Variants in WDR62 observed in about 807,000 individuals in gnomAD.
WDR62 encodes the protein WD repeat-containing protein 62.
Under a neutral mutation model 160.6 loss-of-function variants are expected in WDR62, and 112 were observed. That is an observed-to-expected ratio of 0.70 (90% CI 0.60 to 0.82). WDR62 has a LOEUF of 0.82. Ranked by LOEUF, WDR62 falls within the 40% of genes least tolerant of loss-of-function variation. The pLI is 0.00. For missense variants in WDR62, 1,819 were observed against 1,983.8 expected, an observed-to-expected ratio of 0.92 and a Z score of 1.58; for synonymous variants, 792 against 815.1, an observed-to-expected ratio of 0.97 and a Z score of 0.48.
rs766634753 is a variant in WDR62, at chr19:36,067,912, C to G, written c.784C>G (p.Arg262Gly). 1 of 1,614,172 alleles carries G rather than the reference C, an allele frequency of 6.2e-7. No individual in the cohort carries two copies. The highest frequency in any genetic ancestry group is 1.3e-5 in the African/African-American group (1 of 75,040). ...NNIFCGVACGRGRMAGSTFCV... is the reference protein window; with the variant it reads ...NNIFCGVACGGGRMAGSTFCV... ...CATCTTCTGTGGTGTGGCCTGCGGT[C>G]GGGGCCGGATGGCGGGCAGTACCTT... The change falls in exon 7 of 32, where the codon CGG (arginine) becomes GGG (glycine). Residue 262 changes from arginine (R) to glycine (G), a missense_variant. Arg to Gly is a moderately radical substitution (Grantham distance 125, BLOSUM62 -2). Around this residue, in one of 3 missense-constraint regions of WDR62, gnomAD observed 934 missense variants for 1,157.2 expected, o/e 0.81. Coordinates refer to ENST00000401500, the MANE Select transcript of WDR62 (RefSeq NM_001083961.2).
At chr19:36,069,006 C>A (rs190643507) in intron 7 of WDR62, among the ~76,000 whole-genome samples, 1 of 151,316 alleles carries the variant, frequency 6.6e-6, no homozygotes, top group Non-Finnish European at 1.5e-5. Context: ...CCCTCCCTGA[C>A]GGGCCGGCTG....
At position 36,066,320 on chromosome 19, in the gene WDR62, C is replaced by T. The variant is rs1468620913; in HGVS notation, c.454C>T (p.Leu152=). 2 of 1,614,216 alleles carry T rather than the reference C, an allele frequency of 1.2e-6. No homozygotes were observed. The highest frequency in any genetic ancestry group is 3.3e-5 in the Admixed American group (2 of 60,030). ...GGAGAAGAATCAGGTGGCGGAGATG[C>T]TAGGCCACAAGTATGGTGTGGCGTG... ...VEEKNQVAEM[L]GHKYGVACVA... Residue 152 remains leucine, a synonymous_variant, in exon 5 of 32, where the codon CTA becomes TTA. Transcript: ENST00000401500.
Position 36,066,041 on chromosome 19 carries a change from G to A in WDR62, c.390+26G>A, listed in dbSNP as rs765876924. 85 of 1,613,158 alleles carry A rather than the reference G, an allele frequency of 5.3e-5. No homozygotes were observed. The Middle Eastern group carries it at 4.9e-3, about 94-fold the overall frequency. On this transcript the variant is annotated intron_variant, in intron 4 of 31. Transcript: ENST00000401500. ...GTGAGTCGTGATCGTGACTGAGTGG[G>A]AGTCGGGGGCTGGGGGGTCTTGGAA...
Position 36,081,569 on chromosome 19 carries a change from A to G in WDR62, c.1370A>G (p.Asn457Ser), listed in dbSNP as rs1037780257. The G allele has an allele frequency of 1.2e-6, 2 of 1,614,234 alleles. No homozygotes were observed. Among genetic ancestry groups the G allele is most frequent in the African/African-American group, 2.7e-5 (2 of 75,070 alleles). ...DSHWQKNIFSNTLLKVVYVEN... is the reference protein window; with the variant it reads ...DSHWQKNIFSSTLLKVVYVEN... ...CACTGGCAGAAAAACATCTTCAGCA[A>G]TGTGAGTGGCTTCCTTTGTGAACCA... The change falls in exon 10 of 32, where the codon AAT (asparagine) becomes AGT (serine). Residue 457 changes from asparagine to serine, a missense_variant and splice_region_variant. Physicochemically the swap from Asn to Ser is conservative, Grantham distance 46. This residue lies in a region of WDR62 where 934 missense variants were observed against 1,157.2 expected (regional missense o/e 0.81). Transcript: ENST00000401500.
the WDR62 span, among the ~76,000 whole-genome samples, chr19:36,110,161 C>T: frequency 6.6e-6 from 1 of 151,546 alleles, no homozygotes; most frequent in Admixed American, 6.6e-5. Context: ...TCCTGGGAGC[C>T]CCTGGCTGTG....
At position 36,105,050 on chromosome 19, in the gene WDR62, G is replaced by A. The variant is rs375767546; in HGVS notation, c.*22G>A. On this transcript the variant is annotated 3_prime_UTR_variant, in exon 32 of 32. Coordinates refer to ENST00000401500, the MANE Select transcript of WDR62 (RefSeq NM_001083961.2). ...CTGAGGGCGCAGCCCCTCCACCGCA[G>A]CCCTGCTGCTTCTGAGGACTTAGGT... 21 of 1,589,538 alleles carry A rather than the reference G, an allele frequency of 1.3e-5. No homozygotes were observed. Among genetic ancestry groups the A allele is most frequent in the Non-Finnish European group, 1.7e-5 (20 of 1,174,482 alleles).
Position 36,083,140 on chromosome 19 carries a change from C to CG in WDR62, c.1450dup (p.Glu484GlyfsTer20). The CG allele has an allele frequency of 2.5e-6, 4 of 1,613,614 alleles. No homozygotes were observed. Among genetic ancestry groups the CG allele is most frequent in the Non-Finnish European group, 3.4e-6 (4 of 1,179,760 alleles). On this transcript the variant is annotated frameshift_variant, in exon 11 of 32. Coordinates refer to ENST00000401500, the MANE Select transcript of WDR62 (RefSeq NM_001083961.2). LOFTEE classifies it high-confidence loss of function. ...TGTCACACTTCCCAGACCGGGGGAG[C>CG]GAGAATGGGACACCCATGGACGTGA...
downstream of WDR62, among the ~76,000 whole-genome samples, chr19:36,110,013 G>A (rs1033904184): frequency 2.2e-4 from 33 of 146,670 alleles, no homozygotes; most frequent in Non-Finnish European, 3.9e-4. Flanking sequence ...CCAAGATCAC[G>A]CCATTGCACT....
intron 20 of WDR62, 44 bp from the exon 21 acceptor site, chr19:36,096,983 G>T: frequency 7.0e-6 from 11 of 1,580,648 alleles, no homozygotes; most frequent in Non-Finnish European, 9.5e-6. Flanking sequence ...TGGCCTGTTT[G>T]TTGGGTTGTT....
rs753131216 is a variant in WDR62, at chr19:36,098,563, CAAA to C, written c.2521-823_2521-821del. On this transcript the variant is annotated intron_variant, in intron 21 of 31. Transcript: ENST00000401500. ...CTGGCGACAGAGTGAGACTCCCTCT[CAAA>C]AAAAAAAAAAAAGAAAGACAATGTG... Among the ~76,000 whole-genome samples the C allele has an allele frequency of 1.0e-4, 10 of 98,710 alleles. No individual in the cohort carries two copies. The South Asian group carries it at 2.0e-3, about 20-fold the overall frequency. The allele number at this position is 98,710 out of a possible 152,430, so 64.8% of individuals were successfully genotyped here.
Position 36,094,016 on chromosome 19 carries a change from C to T in WDR62, c.2334-15C>T. 6.2e-7 allele frequency: 1 copy of T among 1,613,582 alleles called. No individual in the cohort carries two copies. The highest frequency in any genetic ancestry group is 8.5e-7 in the Non-Finnish European group (1 of 1,179,894). On this transcript the variant is annotated splice_polypyrimidine_tract_variant and intron_variant, in intron 19 of 31. Coordinates refer to ENST00000401500, the MANE Select transcript of WDR62 (RefSeq NM_001083961.2). ...GCCTGTATTCTCTCCTTACCATCCT[C>T]ATTCCTGGCTTTAGGCAGGATACGT...
At chr19:36,106,198 C>A (rs1214786345), downstream of WDR62, among the ~76,000 whole-genome samples, 1 of 152,048 alleles carries the variant, frequency 6.6e-6, no homozygotes, top group South Asian at 2.1e-4. Context: ...CATGGGGTGT[C>A]TGCTAAAAAA....
At position 36,102,624 on chromosome 19, in the gene WDR62, T is replaced by C. The variant is rs955148788; in HGVS notation, c.3221-113T>C. Reference sequence around the variant, plus strand: ...TCACCCACTGCCCCTGCTCGTACCCTGTGTCTGTACATAAGGGTTTCTGGG... The same window carrying C: ...TCACCCACTGCCCCTGCTCGTACCCCGTGTCTGTACATAAGGGTTTCTGGG... On this transcript the variant is annotated intron_variant, in intron 26 of 31. Coordinates refer to ENST00000401500, the MANE Select transcript of WDR62 (RefSeq NM_001083961.2). The C allele has an allele frequency of 9.3e-6, 8 of 862,012 alleles. No homozygotes were observed. In the African/African-American group the frequency reaches 1.2e-4, roughly 13 times the overall value. The allele number at this position is 862,012 out of a possible 1,614,324, so 53.4% of individuals were successfully genotyped here.
intron 3 of WDR62, chr19:36,061,638 G>A (rs1355645784): frequency 6.6e-6 from 1 of 152,190 alleles, no homozygotes; most frequent in African/African-American, 2.4e-5. Flanking sequence ...AGTGGAGTGG[G>A]TGGCCTGGAT....
rs775936244 is a variant in WDR62 at position 36,091,212 on chromosome 19, C to A, written c.2047C>A (p.Pro683Thr). 3.7e-6 allele frequency: 6 copies of A among 1,612,478 alleles called. No individual in the cohort carries two copies. The African/African-American group carries it at 8.0e-5, about 22-fold the overall frequency. Residue 683 changes from proline to threonine, a missense_variant, in exon 17 of 32, where the codon CCC becomes ACC. Physicochemically the swap from Pro to Thr is conservative, Grantham distance 38. Transcript: ENST00000401500. ...CCTTTCCTGGCAGGTCCATGTGGAC[C>A]CCTCAGGCACCTTCCTGGCCACCAG... ...EGSLLKVHVD[P>T]SGTFLATSCS...
intron 5 of WDR62, among the ~76,000 whole-genome samples, chr19:36,067,020 G>C (rs1226786693): frequency 6.6e-6 from 1 of 152,196 alleles, no homozygotes; most frequent in African/African-American, 2.4e-5. Flanking sequence ...CATCCCAGCC[G>C]TGACTGTCCC....
chr19:36,054,996 T>C lies in WDR62; in HGVS notation c.25T>C (p.Tyr9His). Residue 9 changes from tyrosine (Y) to histidine (H), a missense_variant, in exon 1 of 32, where the codon TAT becomes CAT. Physicochemically the swap from Tyr to His is moderately conservative, Grantham distance 83. Around this residue, in one of 3 missense-constraint regions of WDR62, gnomAD observed 115 missense variants for 92.4 expected, o/e 1.24. Coordinates refer to ENST00000401500, the MANE Select transcript of WDR62 (RefSeq NM_001083961.2). ...GATGGCGGCCGTAGGGTCCGGAGGC[T>C]ATGCGCGGAACGATGCAGGGGAGAA... MAAVGSGG[Y>H]ARNDAGEKLP... 6.2e-7 allele frequency: 1 copy of C among 1,606,902 alleles called. No individual in the cohort carries two copies. The highest frequency in any genetic ancestry group is 8.5e-7 in the Non-Finnish European group (1 of 1,178,158).
intron 9 of WDR62, 193 bp downstream of exon 9, chr19:36,073,724 A>G: frequency 1.5e-6 from 1 of 673,208 alleles, no homozygotes; most frequent in South Asian, 1.5e-5. Context: ...GGGAAAGGAA[A>G]CCTGGAAACA....
intron 15 of WDR62, among the ~76,000 whole-genome samples, chr19:36,090,046 C>T (rs750450792): frequency 5.3e-5 from 8 of 152,124 alleles, no homozygotes; most frequent in Non-Finnish European, 1.2e-4. Context: ...AGCCCAGGGG[C>T]CCTGTGGAGA....
Sources: gnomAD v4.1 joint callset for allele counts (sites outside exome capture counted in the v4.1 genomes callset) on GRCh38, gnomAD v4.1.1 for gene constraint, gnomAD v4.1.1 regional missense constraint, MANE v1.5 for transcripts, NCBI Gene and HGNC (gene_info 2026-07-23, HGNC 2026-07-21) for gene names.